ULK4: variants seen among roughly 807,000 people sequenced by gnomAD.
The protein encoded by ULK4 is unc-51 like kinase 4.
A neutral mutation model predicts 160.6 loss-of-function variants in ULK4; 133 were observed. That is an observed-to-expected ratio of 0.83 (90% CI 0.72 to 0.96). The LOEUF (loss-of-function observed/expected upper bound fraction) is 0.96, where lower values mean the gene tolerates loss of function less well. Ranked by LOEUF, ULK4 falls within the 40% of genes least tolerant of loss-of-function variation. The pLI is 0.00. For synonymous variants in ULK4, 534 were observed against 539.8 expected, an observed-to-expected ratio of 0.99 and a Z score of 0.15; for missense variants, 1,580 against 1,499.5, an observed-to-expected ratio of 1.05 and a Z score of -0.89.
intron 27 of ULK4, among the ~76,000 whole-genome samples, chr3:41,692,108 C>T (rs1204772270): frequency 6.6e-6 from 1 of 151,270 alleles, no homozygotes; most frequent in Non-Finnish European, 1.5e-5. Context: ...CCCACCACCG[C>T]CCCCGGCTAA....
chr3:41,715,515 C>A lies in ULK4; in HGVS notation c.2509G>T (p.Val837Phe), dbSNP rs1488805305. ...CACAACTTCAGCTGTTTCACTTGAA[C>A]TGTTGATGGGTGTTTACGTCCAGAA... ...NVSGRKHPST[V>F]QVKQLKLCLP... The change falls in exon 24 of 37, where the codon GTT (valine) becomes TTT (phenylalanine). Residue 837 changes from valine to phenylalanine, a missense_variant. Val to Phe is a conservative substitution (Grantham distance 50). Coordinates refer to ENST00000301831, the MANE Select transcript of ULK4 (RefSeq NM_017886.4). 3.1e-6 allele frequency: 5 copies of A among 1,614,030 alleles called. No individual in the cohort carries two copies. In the Admixed American group the frequency reaches 6.7e-5, roughly 22 times the overall value.
intron 7 of ULK4, among the ~76,000 whole-genome samples, chr3:41,916,986 G>A (rs1698989788): frequency 2.0e-5 from 3 of 152,096 alleles, no homozygotes; most frequent in Non-Finnish European, 4.4e-5. Flanking sequence ...AGGATTACAG[G>A]TGTGTGCCAC....
intron 35 of ULK4, among the ~76,000 whole-genome samples, chr3:41,309,487 G>A (rs1167377681): frequency 1.3e-5 from 2 of 152,094 alleles, no homozygotes; most frequent in African/African-American, 4.8e-5. Context: ...GCAGGCTCAT[G>A]ACATTGTGCC....
intron 35 of ULK4, among the ~76,000 whole-genome samples, chr3:41,375,653 G>A (rs144672224): frequency 6.6e-6 from 1 of 150,432 alleles, no homozygotes; most frequent in East Asian, 2.1e-4. Flanking sequence ...ATATTTAAAT[G>A]TAAGACCTAA....
In ULK4 at chr3:41,649,548, G is replaced by A. The variant is rs555242349; in HGVS notation, c.3071+14059C>T. 1.1e-4 allele frequency among the ~76,000 whole-genome samples: 16 copies of A among 152,298 alleles called. No homozygotes were observed. The South Asian group carries it at 2.3e-3, about 22-fold the overall frequency. ...CCTGGCACCTCCTCCGGTTGTGGCCGAGCCTGGGCACTGTCGCAACCCAGC... is the reference window on the plus strand; with the variant it reads ...CCTGGCACCTCCTCCGGTTGTGGCCAAGCCTGGGCACTGTCGCAACCCAGC... On this transcript the variant is annotated intron_variant, in intron 30 of 36. Transcript: ENST00000301831.
At chr3:41,631,994 TCTCTG>T (rs1298272963) in intron 30 of ULK4, among the ~76,000 whole-genome samples, 1 of 152,224 alleles carries the variant, frequency 6.6e-6, no homozygotes, top group Non-Finnish European at 1.5e-5. Flanking sequence ...CTTCACTCTC[TCTCTG>T]AACCTCGTCG....
chr3:41,754,720 A>G (rs1442452342), intron 21 of ULK4, among the ~76,000 whole-genome samples: 1 of 152,194 alleles, frequency 6.6e-6, no homozygotes, highest in Admixed American at 6.6e-5. Context: ...CTTTAAAGAG[A>G]AAAATGAATA....
At chr3:41,286,896 G>A (rs2079470222) in intron 35 of ULK4, among the ~76,000 whole-genome samples, 1 of 152,226 alleles carries the variant, frequency 6.6e-6, no homozygotes, top group Admixed American at 6.5e-5. Flanking sequence ...GTCAAGTGGT[G>A]TCTGTCATCT....
Position 41,249,526 on chromosome 3 carries a change from G to A in ULK4, c.3727C>T (p.Leu1243Phe). Residue 1243 changes from leucine to phenylalanine, a missense_variant, in exon 36 of 37, where the codon CTC becomes TTC. Transcript: ENST00000301831. ...HLESLKNAGS[L>F]LRALERLAPG... ...GCCAGCCGCTCCAGAGCCCGCAGGA[G>A]GCTGCCTGCATTCTTGAGGCTCTCC... 1 of 1,614,116 alleles carries A rather than the reference G, an allele frequency of 6.2e-7. No homozygotes were observed. Among genetic ancestry groups the A allele is most frequent in the Non-Finnish European group, 8.5e-7 (1 of 1,179,990 alleles).
chr3:41,798,225 G>C (rs78640191), intron 20 of ULK4, among the ~76,000 whole-genome samples: 1 of 152,126 alleles, frequency 6.6e-6, no homozygotes, highest in Non-Finnish European at 1.5e-5. Context: ...ATGAAAATCT[G>C]TATAATGTTA....
intron 31 of ULK4, among the ~76,000 whole-genome samples, chr3:41,585,949 C>T (rs1288716982): frequency 2.0e-5 from 3 of 151,930 alleles, no homozygotes; most frequent in Non-Finnish European, 4.4e-5. Flanking sequence ...AAATCAAAAC[C>T]GCAATGATAT....
At chr3:41,749,442 C>T (rs1358619111) in intron 22 of ULK4, among the ~76,000 whole-genome samples, 4 of 152,132 alleles carry the variant, frequency 2.6e-5, no homozygotes, top group Non-Finnish European at 5.9e-5. Flanking sequence ...GAGATCACAC[C>T]ACTGCACTAC....
rs925841685 is a variant in ULK4 at position 41,953,576 on chromosome 3, A to G, written c.138+1046T>C. Reference sequence around the variant, plus strand: ...GAGCCACCACACCCAGCTTAAAAATATATATATTTTTTAAGCTAGGTATGG... The same window carrying G: ...GAGCCACCACACCCAGCTTAAAAATGTATATATTTTTTAAGCTAGGTATGG... On this transcript the variant is annotated intron_variant, in intron 2 of 36. Transcript: ENST00000301831. Among the ~76,000 whole-genome samples, 12 of 151,832 alleles carry G rather than the reference A, an allele frequency of 7.9e-5. No individual in the cohort carries two copies. The South Asian group carries it at 2.3e-3, about 29-fold the overall frequency.
chr3:41,701,002 A>T (rs2036655855), intron 27 of ULK4, among the ~76,000 whole-genome samples: 1 of 152,124 alleles, frequency 6.6e-6, no homozygotes, highest in Non-Finnish European at 1.5e-5. Flanking sequence ...ATAGTAGAAG[A>T]CAGGGGAAAA....
At chr3:41,838,140 A>G (rs2041812154) in intron 17 of ULK4, among the ~76,000 whole-genome samples, 1 of 152,250 alleles carries the variant, frequency 6.6e-6, no homozygotes, top group African/African-American at 2.4e-5. Context: ...TCACCAGCAC[A>G]CTACTCTAAA....
rs1315406584 is a variant in ULK4, at chr3:41,915,949, GA to G, written c.803+27del. ...CCATTTGCAGAACTCAAAAGAAAAA[GA>G]AAAAAAGATCGAACTACTGTCCCTA... On this transcript the variant is annotated intron_variant, in intron 8 of 36. Coordinates refer to ENST00000301831, the MANE Select transcript of ULK4 (RefSeq NM_017886.4). 6.6e-6 allele frequency: 10 copies of G among 1,510,944 alleles called. 1 individual carries two copies. The highest frequency in any genetic ancestry group is 3.4e-4 in the Middle Eastern group (2 of 5,890). 93.6% of individuals were successfully genotyped at this position (1,510,944 alleles called of 1,614,324 possible).
rs6773167 is a variant in ULK4 at position 41,930,884 on chromosome 3, G to C, written c.541+960C>G. Among the ~76,000 whole-genome samples, 913 of 152,338 alleles carry C rather than the reference G, an allele frequency of 6.0e-3. 11 individuals are homozygous for C. The highest frequency in any genetic ancestry group is 0.021 in the African/African-American group (862 of 41,564). ...GGAGAAATAAGAATGCTTTTGGACTGTTGGTGGGAATGTAGATTGGTTCAA... is the reference window on the plus strand; with the variant it reads ...GGAGAAATAAGAATGCTTTTGGACTCTTGGTGGGAATGTAGATTGGTTCAA... On this transcript the variant is annotated intron_variant, in intron 5 of 36. Transcript: ENST00000301831.
chr3:41,373,506 G>A (rs1446344584), intron 35 of ULK4, among the ~76,000 whole-genome samples: 3 of 152,138 alleles, frequency 2.0e-5, no homozygotes, highest in African/African-American at 7.2e-5. Context: ...ACAACTACGT[G>A]GAAGCTGAAC....
intron 31 of ULK4, among the ~76,000 whole-genome samples, chr3:41,574,187 C>A (rs574898814): frequency 8.5e-5 from 13 of 152,084 alleles, no homozygotes; most frequent in Non-Finnish European, 1.9e-4. Context: ...CTCAAAAAAA[C>A]AAACAAACAA....
Sources: gnomAD v4.1 joint callset for allele counts (sites outside exome capture counted in the v4.1 genomes callset) on GRCh38, gnomAD v4.1.1 for gene constraint, MANE v1.5 for transcripts, NCBI Gene and HGNC (gene_info 2026-07-23, HGNC 2026-07-21) for gene names.